SLIT3: variants seen among roughly 807,000 people sequenced by gnomAD.
SLIT3 encodes the protein slit guidance ligand 3.
Under a neutral mutation model 184.0 loss-of-function variants are expected in SLIT3, and 68 were observed. The ratio of observed to expected loss-of-function variants is 0.37; its 90% confidence interval spans 0.30 to 0.45. The LOEUF (loss-of-function observed/expected upper bound fraction) is 0.45, where lower values mean the gene tolerates loss of function less well. Among genes scored for constraint, SLIT3 ranks in the 20% least tolerant of loss-of-function variants. The pLI is 1.00. For missense variants in SLIT3, 1,707 were observed against 2,026.0 expected (o/e 0.84, Z 3.02); for synonymous variants, 831 against 828.6 (o/e 1.00, Z -0.05).
At chr5:168,916,893 G>C (rs1761453502) in intron 4 of SLIT3, among the ~76,000 whole-genome samples, 1 of 152,120 alleles carries the variant, frequency 6.6e-6, no homozygotes, top group Non-Finnish European at 1.5e-5. Context: ...GGGCTGGCTA[G>C]ATTGCTGACA....
chr5:169,163,734 A>T (rs949988152), intron 4 of SLIT3, among the ~76,000 whole-genome samples: 21 of 151,944 alleles, frequency 1.4e-4, no homozygotes, highest in African/African-American at 5.1e-4. Flanking sequence ...TGCAGAGAGC[A>T]TATCGGGAAA....
chr5:168,783,747 C>T (rs1242437004), intron 12 of SLIT3, among the ~76,000 whole-genome samples: 1 of 152,140 alleles, frequency 6.6e-6, no homozygotes, highest in Non-Finnish European at 1.5e-5. Context: ...GAATCAGGGC[C>T]TGCTTTCCAA....
chr5:168,806,424 G>A (rs778921560), intron 9 of SLIT3, 22 bp downstream of exon 9: 18 of 1,613,862 alleles, frequency 1.1e-5, no homozygotes, highest in Non-Finnish European at 1.4e-5. Flanking sequence ...AGTTGTTGGG[G>A]GTGTCAGACA....
At chr5:168,977,716 C>T (rs889681862) in intron 4 of SLIT3, among the ~76,000 whole-genome samples, 10 of 152,088 alleles carry the variant, frequency 6.6e-5, no homozygotes, top group African/African-American at 2.4e-4. Context: ...TTCTAGATGC[C>T]CCACCCCATA....
At chr5:169,091,888 G>A (rs1759601322) in intron 4 of SLIT3, among the ~76,000 whole-genome samples, 2 of 152,336 alleles carry the variant, frequency 1.3e-5, no homozygotes, top group South Asian at 4.1e-4. Flanking sequence ...TTGACAGCCT[G>A]GGATGGTAAC....
chr5:168,750,389 C>T (rs1321732741), intron 18 of SLIT3, among the ~76,000 whole-genome samples: 2 of 152,228 alleles, frequency 1.3e-5, no homozygotes, highest in Admixed American at 6.5e-5. Context: ...AAGGAGGTAA[C>T]ATTATCTTCC....
intron 1 of SLIT3, among the ~76,000 whole-genome samples, chr5:169,287,560 T>C (rs549441657): frequency 6.6e-6 from 1 of 152,274 alleles, no homozygotes; most frequent in South Asian, 2.1e-4. Flanking sequence ...TGCATTTCCC[T>C]TTGGAGATGG....
chr5:169,091,513 G>A (rs376431099), intron 4 of SLIT3, among the ~76,000 whole-genome samples: 9 of 152,190 alleles, frequency 5.9e-5, no homozygotes, highest in African/African-American at 2.2e-4. Flanking sequence ...TTAACAAGCT[G>A]GAAGCTAAAC....
At chr5:169,267,126 G>A (rs533269778) in intron 1 of SLIT3, among the ~76,000 whole-genome samples, 1 of 152,172 alleles carries the variant, frequency 6.6e-6, no homozygotes, top group South Asian at 2.1e-4. Context: ...TGAGGTTGAT[G>A]CTACTTATTA....
chr5:168,795,909 G>A (rs542865365), intron 9 of SLIT3, among the ~76,000 whole-genome samples: 34 of 152,170 alleles, frequency 2.2e-4, no homozygotes, highest in Non-Finnish European at 2.9e-4. Context: ...AGCAGAATGC[G>A]GAATAAGTCA....
chr5:169,061,073 T>C lies in SLIT3; in HGVS notation c.413+132406A>G, dbSNP rs115082413. Among the ~76,000 whole-genome samples the C allele has an allele frequency of 5.1e-3, 776 of 152,330 alleles. 3 individuals are homozygous for C. The highest frequency in any genetic ancestry group is 0.01 in the Middle Eastern group (3 of 294). On this transcript the variant is annotated intron_variant, in intron 4 of 35. Transcript: ENST00000519560. ...ATGAATATAAATAGAATCTACCTTG[T>C]TGGGATGCTGTGGGTGTTCAATTAA...
intron 35 of SLIT3, among the ~76,000 whole-genome samples, chr5:168,669,353 G>T (rs114334381): frequency 1.3e-5 from 2 of 152,172 alleles, no homozygotes; most frequent in Non-Finnish European, 2.9e-5. Context: ...CTCATGCAGG[G>T]CAGAACTGGG....
intron 9 of SLIT3, among the ~76,000 whole-genome samples, chr5:168,802,992 C>T (rs2113622922): frequency 6.6e-6 from 1 of 151,318 alleles, no homozygotes; most frequent in Admixed American, 6.6e-5. Context: ...CTGGGATCCA[C>T]AGTCTATACT....
intron 3 of SLIT3, among the ~76,000 whole-genome samples, chr5:169,239,274 C>T (rs1201321480): frequency 2.0e-5 from 3 of 152,100 alleles, no homozygotes; most frequent in Non-Finnish European, 4.4e-5. Flanking sequence ...TAAAAATATT[C>T]ATGAATCACA....
At chr5:168,980,695 A>G (rs1176242107) in intron 4 of SLIT3, among the ~76,000 whole-genome samples, 6 of 152,364 alleles carry the variant, frequency 3.9e-5, no homozygotes, top group Admixed American at 3.3e-4. Context: ...ATGAAGGCAG[A>G]CAAAGATAGA....
At chr5:168,903,736 C>G (rs542094212) in intron 4 of SLIT3, among the ~76,000 whole-genome samples, 5 of 152,182 alleles carry the variant, frequency 3.3e-5, no homozygotes, top group Non-Finnish European at 7.3e-5. Flanking sequence ...TGTCCCTGAC[C>G]TCCCACTATG....
At chr5:168,797,274 AGCCAAG>A (rs1386986035) in intron 9 of SLIT3, among the ~76,000 whole-genome samples, 1 of 152,120 alleles carries the variant, frequency 6.6e-6, no homozygotes, top group African/African-American at 2.4e-5. Flanking sequence ...GAGATTTCTT[AGCCAAG>A]GCAGCAGCTC....
chr5:168,849,352 T>A (rs1758593610), intron 5 of SLIT3, among the ~76,000 whole-genome samples: 1 of 152,218 alleles, frequency 6.6e-6, no homozygotes, highest in African/African-American at 2.4e-5. Context: ...GCTCTGAGCT[T>A]CTGTTCATGT....
At chr5:169,273,520 A>G (rs892544149) in intron 1 of SLIT3, among the ~76,000 whole-genome samples, 4 of 152,206 alleles carry the variant, frequency 2.6e-5, no homozygotes, top group African/African-American at 9.7e-5. Flanking sequence ...AGGGAGCTTT[A>G]ACACTTGCTG....
Sources: allele counts gnomAD v4.1 joint callset (sites outside exome capture counted in the v4.1 genomes callset), GRCh38; gene constraint gnomAD v4.1.1; transcripts MANE v1.5; gene names NCBI Gene and HGNC (gene_info 2026-07-23, HGNC 2026-07-21).